The following RHEB variants were observed in gnomAD, a reference collection of about 807,000 sequenced individuals.
RHEB encodes GTP-binding protein Rheb.
In RHEB, 2 loss-of-function variants were observed where a neutral mutation model predicts 28.8. The observed-to-expected ratio is 0.07, with a 90% CI of 0.03 to 0.22. The LOEUF (loss-of-function observed/expected upper bound fraction) is 0.22. Among genes scored for constraint, RHEB ranks in the 10% least tolerant of loss-of-function variants. The pLI is 1.00. For missense variants in RHEB, 76 were observed against 219.9 expected (o/e 0.35, Z 4.14); for synonymous variants, 69 against 77.3 (o/e 0.89, Z 0.56).
At chr7:151,479,869 A>C (rs2150924191) in intron 3 of RHEB, among the ~76,000 whole-genome samples, 1 of 152,268 alleles carries the variant, frequency 6.6e-6, no homozygotes, top group Admixed American at 6.5e-5. Context: ...ACACGCAAAG[A>C]CCAACCACCC....
intron 4 of RHEB, among the ~76,000 whole-genome samples, chr7:151,476,514 T>C (rs574836469): frequency 1.3e-5 from 2 of 152,348 alleles, no homozygotes; most frequent in East Asian, 3.9e-4. Context: ...GCAAGCTGCT[T>C]TAGGTCTCTG....
At chr7:151,508,125 T>C (rs2299967) in intron 1 of RHEB, among the ~76,000 whole-genome samples, 77,926 of 151,890 alleles carry the variant, frequency 0.51, 20,114 homozygotes, top group South Asian at 0.6. Flanking sequence ...AGAGAAGACC[T>C]GGGATACAGG....
chr7:151,472,297 A>G lies in RHEB; in HGVS notation c.276-692T>C, dbSNP rs1249705135. Among the ~76,000 whole-genome samples, 1 of 152,138 alleles carries G rather than the reference A, an allele frequency of 6.6e-6. No individual in the cohort carries two copies. The highest frequency in any genetic ancestry group is 1.5e-5 in the Non-Finnish European group (1 of 68,032). Reference sequence around the variant, plus strand: ...CTCCACTGCTGCCGCTGAGGTGTGAATTCCTGGCCCAAGTCTGCCTGCATC... The same window carrying G: ...CTCCACTGCTGCCGCTGAGGTGTGAGTTCCTGGCCCAAGTCTGCCTGCATC... On this transcript the variant is annotated intron_variant, in intron 4 of 7. Transcript: ENST00000262187. This position sits in a 1 kb window ranked among gnomAD's most constrained non-coding sequence, Gnocchi z 5.2.
intron 1 of RHEB, among the ~76,000 whole-genome samples, chr7:151,511,027 G>A (rs983589310): frequency 6.6e-6 from 1 of 152,026 alleles, no homozygotes; most frequent in African/African-American, 2.4e-5. Context: ...GCAGTGTGCC[G>A]AGATCGCGAC....
chr7:151,479,546 G>A (rs765338488), intron 3 of RHEB, among the ~76,000 whole-genome samples: 10 of 152,140 alleles, frequency 6.6e-5, no homozygotes, highest in East Asian at 1.9e-4. Context: ...AGCTGGGCGT[G>A]GTGGCGGGCG....
At chr7:151,487,058 C>T (rs1584855334) in intron 2 of RHEB, among the ~76,000 whole-genome samples, 1 of 152,316 alleles carries the variant, frequency 6.6e-6, no homozygotes, top group Non-Finnish European at 1.5e-5. Flanking sequence ...TGTAATCCCA[C>T]TTTGGGAGGC....
chr7:151,499,733 A>G (rs759035790), intron 1 of RHEB, among the ~76,000 whole-genome samples: 2 of 152,214 alleles, frequency 1.3e-5, no homozygotes, highest in Non-Finnish European at 2.9e-5. Flanking sequence ...ATTGAAACCT[A>G]CAAGGAACCT....
At chr7:151,496,041 C>T (rs1467362781) in intron 1 of RHEB, among the ~76,000 whole-genome samples, 1 of 152,198 alleles carries the variant, frequency 6.6e-6, no homozygotes, top group Admixed American at 6.5e-5. Context: ...ATTAACTAGT[C>T]TATCAAGGCA....
chr7:151,489,299 G>A (rs1284110288), intron 2 of RHEB, among the ~76,000 whole-genome samples: 2 of 152,124 alleles, frequency 1.3e-5, no homozygotes, highest in Non-Finnish European at 2.9e-5. Context: ...TCTTATTCCA[G>A]TGGACAGAAA....
chr7:151,475,035 A>G (rs1341256174), intron 4 of RHEB, among the ~76,000 whole-genome samples: 2 of 152,268 alleles, frequency 1.3e-5, no homozygotes, highest in African/African-American at 2.4e-5. Flanking sequence ...CACCCATTTT[A>G]GTAAGGAGAA....
chr7:151,503,099 G>A lies in RHEB; in HGVS notation c.53-12085C>T. 4 of 804,584 alleles carry A rather than the reference G, an allele frequency of 5.0e-6. No individual in the cohort carries two copies. The Admixed American group carries it at 5.1e-5, about 10-fold the overall frequency. 49.8% of individuals were successfully genotyped at this position (804,584 alleles called of 1,614,324 possible). ...AGATACACTAAAGACTTTGGAAAAG[G>A]GAGCTGTAGAAATTCTAATGGTCTA... On this transcript the variant is annotated intron_variant, in intron 1 of 7. Coordinates refer to ENST00000262187, the MANE Select transcript of RHEB (RefSeq NM_005614.4).
chr7:151,507,059 C>T (rs1331045477), intron 1 of RHEB, among the ~76,000 whole-genome samples: 3 of 152,192 alleles, frequency 2.0e-5, no homozygotes, highest in Non-Finnish European at 4.4e-5. Context: ...CACAGGAATA[C>T]CAGGAGAGTG....
At chr7:151,514,439 G>C (rs1312049561) in intron 1 of RHEB, among the ~76,000 whole-genome samples, 1 of 152,064 alleles carries the variant, frequency 6.6e-6, no homozygotes, top group African/African-American at 2.4e-5. Flanking sequence ...ACAACCCACA[G>C]ACAGGAGAAA....
chr7:151,506,220 T>A (rs1802877015), intron 1 of RHEB, among the ~76,000 whole-genome samples: 1 of 151,640 alleles, frequency 6.6e-6, no homozygotes, highest in African/African-American at 2.4e-5. Flanking sequence ...AGGGTCTCTA[T>A]CTGTTGCCCA....
chr7:151,477,250 T>G (rs1802286747), intron 4 of RHEB, 83 bp downstream of exon 4: 1 of 823,744 alleles, frequency 1.2e-6, no homozygotes. Flanking sequence ...TTGTCACTAT[T>G]AATAATTCCA....
intron 1 of RHEB, among the ~76,000 whole-genome samples, chr7:151,494,103 T>A (rs1234487772): frequency 6.6e-6 from 1 of 152,146 alleles, no homozygotes; most frequent in Non-Finnish European, 1.5e-5. Context: ...AAGAAAGCGA[T>A]CATTTTCTCC....
At chr7:151,501,748 C>T (rs529692063) in intron 1 of RHEB, 12 of 232,714 alleles carry the variant, frequency 5.2e-5, no homozygotes, top group South Asian at 4.5e-4. Flanking sequence ...CCGCCCCTGG[C>T]GGAGGAAGTG....
At chr7:151,510,201 A>G (rs1802957833) in intron 1 of RHEB, among the ~76,000 whole-genome samples, 1 of 151,846 alleles carries the variant, frequency 6.6e-6, no homozygotes. Flanking sequence ...CAATTCTCCC[A>G]CCACCCCCAT....
At chr7:151,498,125 C>A (rs1299697227) in intron 1 of RHEB, 1 of 1,289,676 alleles carries the variant, frequency 7.8e-7, no homozygotes, top group African/African-American at 1.5e-5. Flanking sequence ...CACCTGTGCG[C>A]CCTGCAGAAC....
Sources: allele counts gnomAD v4.1 joint callset (sites outside exome capture counted in the v4.1 genomes callset), GRCh38; gene constraint gnomAD v4.1.1; non-coding constraint Gnocchi (gnomAD v3.1); transcripts MANE v1.5; gene names NCBI Gene and HGNC (gene_info 2026-07-23, HGNC 2026-07-21).